SHB: variants seen among roughly 807,000 people sequenced by gnomAD.
The protein encoded by SHB is SH2 domain containing adaptor protein B, also known as SH2 domain-containing adapter protein B.
SHB carries 20 observed loss-of-function variants against 52.3 expected under a neutral mutation model. The ratio of observed to expected loss-of-function variants is 0.38; its 90% confidence interval spans 0.27 to 0.56. SHB has a LOEUF of 0.56. Among genes scored for constraint, SHB ranks in the 20% least tolerant of loss-of-function variants. The pLI, the probability that SHB is intolerant of heterozygous loss-of-function variation, is 0.71. For missense variants in SHB, 825 were observed against 723.3 expected, an observed-to-expected ratio of 1.14 and a Z score of -1.61; for synonymous variants, 397 against 316.5, an observed-to-expected ratio of 1.25 and a Z score of -2.70.
rs1822015315 is a variant in SHB at position 38,068,810 on chromosome 9, T to G, written c.-165A>C. ...TCAAGTTCTTGCCGCCGCCGCCTCC[T>G]GCCGGCAGCTCTCTGGCTCCGGCGG... On this transcript the variant is annotated 5_prime_UTR_variant, in exon 1 of 6. Transcript: ENST00000377707. 1 of 164,474 alleles carries G rather than the reference T, an allele frequency of 6.1e-6. No homozygotes were observed. The highest frequency in any genetic ancestry group is 1.9e-4 in the East Asian group (1 of 5,216). The allele number at this position is 164,474 out of a possible 1,614,324, so 10.2% of individuals were successfully genotyped here. A position where few individuals can be genotyped will look rare whatever the true frequency, so the allele number is the denominator to read the frequency against.
At chr9:38,005,990 T>G (rs1587240320) in intron 2 of SHB, among the ~76,000 whole-genome samples, 1 of 152,144 alleles carries the variant, frequency 6.6e-6, no homozygotes, top group African/African-American at 2.4e-5. Context: ...CCCAAGCACC[T>G]AGCTGGCTGC....
At chr9:38,033,494 G>A (rs186310946) in intron 1 of SHB, among the ~76,000 whole-genome samples, 86 of 152,284 alleles carry the variant, frequency 5.6e-4, no homozygotes, top group Non-Finnish European at 1.0e-3. Context: ...GACCAGCCTG[G>A]ACAATATAGG....
At chr9:37,940,418 G>C (rs761424866) in intron 5 of SHB, among the ~76,000 whole-genome samples, 1 of 152,198 alleles carries the variant, frequency 6.6e-6, no homozygotes, top group Non-Finnish European at 1.5e-5. Context: ...AGTGTTTGAG[G>C]AGTCTCTGTT....
At chr9:37,971,029 A>G (rs1276429058) in intron 3 of SHB, among the ~76,000 whole-genome samples, 2 of 152,184 alleles carry the variant, frequency 1.3e-5, no homozygotes, top group Non-Finnish European at 2.9e-5. Context: ...CTCTTCCTCC[A>G]GCTATGGATC....
chr9:37,919,760 G>C lies in SHB; in HGVS notation c.*61C>G. On this transcript the variant is annotated 3_prime_UTR_variant, in exon 6 of 6. Transcript: ENST00000377707. ...GCAACAGTGGCTGGGCTGGTTGGTG[G>C]GGGGCCTCTGGCACCTCCAAGTCTC... 1 of 1,390,124 alleles carries C rather than the reference G, an allele frequency of 7.2e-7. No individual in the cohort carries two copies. 86.1% of individuals were successfully genotyped at this position (1,390,124 alleles called of 1,614,324 possible). A position where few individuals can be genotyped will look rare whatever the true frequency, so the allele number is the denominator to read the frequency against.
chr9:37,994,547 A>G lies in SHB; in HGVS notation c.839-19710T>C, dbSNP rs572015929. Among the ~76,000 whole-genome samples the G allele has an allele frequency of 2.0e-5, 3 of 152,344 alleles. No homozygotes were observed. In the East Asian group the frequency reaches 5.8e-4, roughly 29 times the overall value. On this transcript the variant is annotated intron_variant, in intron 2 of 5. Coordinates refer to ENST00000377707, the MANE Select transcript of SHB (RefSeq NM_003028.3). ...ACCAGCCTATGCCCTCTGGGGAGCG[A>G]TTTGCCCCAGTAGAGACTTGGCAAC...
chr9:38,041,538 G>A (rs62536870), intron 1 of SHB, among the ~76,000 whole-genome samples: 28,318 of 152,090 alleles, frequency 0.19, 3,487 homozygotes, highest in Middle Eastern at 0.33. Context: ...CTTCAGAAAT[G>A]GGCACAGGCA....
chr9:37,993,306 G>T (rs11789441), intron 2 of SHB, among the ~76,000 whole-genome samples: 10,335 of 152,194 alleles, frequency 0.068, 452 homozygotes, highest in South Asian at 0.11. Context: ...GAAGTCACAG[G>T]AAGAAAAACG....
In SHB at chr9:37,931,536, T is replaced by A. The variant is rs575210174; in HGVS notation, c.1347-11532A>T. On this transcript the variant is annotated intron_variant, in intron 5 of 5. Coordinates refer to ENST00000377707, the MANE Select transcript of SHB (RefSeq NM_003028.3). ...AGGGACATGCAAGTCAAAACCACTA[T>A]GAGGTATCACTTCATACCCACTAGA... Among the ~76,000 whole-genome samples, 47 of 152,360 alleles carry A rather than the reference T, an allele frequency of 3.1e-4. 1 individual carries two copies. The South Asian group carries it at 9.7e-3, about 32-fold the overall frequency.
intron 1 of SHB, among the ~76,000 whole-genome samples, chr9:38,044,011 T>C (rs10973650): frequency 0.13 from 19,975 of 152,234 alleles, 2,778 homozygotes; most frequent in African/African-American, 0.35. Context: ...CACACCAAGG[T>C]GTTGACCTGG....
intron 2 of SHB, among the ~76,000 whole-genome samples, chr9:38,014,334 G>A (rs191723509): frequency 0.013 from 1,986 of 152,382 alleles, 43 homozygotes; most frequent in African/African-American, 0.045. Context: ...GTAGGGAGGT[G>A]CAGGCCGCAG....
chr9:38,068,332 T>G lies in SHB; in HGVS notation c.314A>C (p.Lys105Thr), dbSNP rs777132242. 6.5e-7 allele frequency: 1 copy of G among 1,542,040 alleles called. No individual in the cohort carries two copies. The highest frequency in any genetic ancestry group is 1.4e-5 in the African/African-American group (1 of 69,956). The change falls in exon 1 of 6, where the codon AAA becomes ACA. Residue 105 changes from lysine to threonine, a missense_variant. Coordinates refer to ENST00000377707, the MANE Select transcript of SHB (RefSeq NM_003028.3). Reference protein sequence around the residue: ...PYNGPGSSLRKLRAMCRLDYC... With the variant: ...PYNGPGSSLRTLRAMCRLDYC... Reference sequence around the variant, plus strand: ...GTCCAGGCGGCACATGGCGCGCAGTTTGCGCAGCGACGAGCCAGGCCCGTT... The same window carrying G: ...GTCCAGGCGGCACATGGCGCGCAGTGTGCGCAGCGACGAGCCAGGCCCGTT...
chr9:38,000,565 G>A (rs1820998686), intron 2 of SHB, among the ~76,000 whole-genome samples: 1 of 152,228 alleles, frequency 6.6e-6, no homozygotes. Flanking sequence ...ACTGTGTGCT[G>A]ATTCCCAGGT....
At chr9:37,942,335 G>A (rs575589285) in intron 5 of SHB, among the ~76,000 whole-genome samples, 1 of 152,326 alleles carries the variant, frequency 6.6e-6, no homozygotes, top group African/African-American at 2.4e-5. Context: ...GGAGGAGATG[G>A]GACCTTCCTG....
chr9:37,986,368 T>C (rs770229873), intron 2 of SHB, among the ~76,000 whole-genome samples: 1 of 151,314 alleles, frequency 6.6e-6, no homozygotes, highest in Admixed American at 6.6e-5. Context: ...CTAATGCTCA[T>C]GAGGTAGAAG....
intron 2 of SHB, among the ~76,000 whole-genome samples, chr9:37,989,087 A>ACT (rs1426541699): frequency 7.8e-5 from 10 of 128,958 alleles, no homozygotes; most frequent in African/African-American, 1.1e-4. Context: ...ACACACACAC[A>ACT]CACTCTCTCT....
chr9:38,036,266 C>T (rs541421430), intron 1 of SHB, among the ~76,000 whole-genome samples: 1 of 152,334 alleles, frequency 6.6e-6, no homozygotes, highest in South Asian at 2.1e-4. Context: ...GACCAAACCT[C>T]AACGAGGTAG....
In SHB at chr9:38,068,869, G is replaced by A. The variant is rs1822016384; in HGVS notation, c.-224C>T. ...CCTCCCTCCGCCTAGCGCCGCCCAA[G>A]CTAGGAATCTCGCGCCCCTCGTGGG... is the stretch of plus-strand genomic sequence containing the variant. On this transcript the variant is annotated 5_prime_UTR_variant, in exon 1 of 6. Coordinates refer to ENST00000377707, the MANE Select transcript of SHB (RefSeq NM_003028.3). 6.5e-6 allele frequency: 1 copy of A among 154,504 alleles called. No individual in the cohort carries two copies. The highest frequency in any genetic ancestry group is 2.1e-4 in the South Asian group (1 of 4,858). The allele number at this position is 154,504 out of a possible 1,614,324, so 9.6% of individuals were successfully genotyped here.
intron 1 of SHB, among the ~76,000 whole-genome samples, chr9:38,052,619 C>T (rs546153285): frequency 2.0e-5 from 3 of 152,302 alleles, no homozygotes; most frequent in African/African-American, 7.2e-5. Flanking sequence ...ACTGGGTCCC[C>T]ACCTCCATGC....
Sources: gnomAD v4.1 joint callset for allele counts (sites outside exome capture counted in the v4.1 genomes callset) on GRCh38, gnomAD v4.1.1 for gene constraint, MANE v1.5 for transcripts, NCBI Gene and HGNC (gene_info 2026-07-23, HGNC 2026-07-21) for gene names.